Variants in ABCB4 observed in about 807,000 individuals in gnomAD.
The protein encoded by ABCB4 is ATP binding cassette subfamily B member 4.
Under a neutral mutation model 145.7 loss-of-function variants are expected in ABCB4, and 76 were observed. The ratio of observed to expected loss-of-function variants is 0.52; its 90% CI spans 0.43 to 0.63. The LOEUF is 0.63. Ranked by LOEUF, ABCB4 falls within the 30% of genes least tolerant of loss-of-function variation. The pLI, the probability that ABCB4 is intolerant of heterozygous loss-of-function variation, is 0.00. For synonymous variants in ABCB4, 517 were observed against 566.8 expected (o/e 0.91, Z 1.25); for missense variants, 1,234 against 1,553.1 (o/e 0.79, Z 3.45).
At chr7:87,463,006 T>G in intron 3 of ABCB4, 98 bp from the exon 4 acceptor site, 1 of 1,117,334 alleles carries the variant, frequency 8.9e-7, no homozygotes, top group Non-Finnish European at 1.3e-6. Flanking sequence ...GTCAGTACTT[T>G]TTTAAGAGTT....
At position 87,432,809 on chromosome 7, in the gene ABCB4, G is replaced by A. The variant is rs567624572; in HGVS notation, c.1732-1244C>T. Among the ~76,000 whole-genome samples, 9 of 152,218 alleles carry A rather than the reference G, an allele frequency of 5.9e-5. No homozygotes were observed. In the East Asian group the frequency reaches 1.7e-3, roughly 29 times the overall value. On this transcript the variant is annotated intron_variant, in intron 14 of 27. Coordinates refer to ENST00000649586, the MANE Select transcript of ABCB4 (RefSeq NM_000443.4). ...AGCAGTGATGGTTGTACAACCTTGTGAATATTCTAAAAACCCCGGAATTGT... is the reference window on the plus strand; with the variant it reads ...AGCAGTGATGGTTGTACAACCTTGTAAATATTCTAAAAACCCCGGAATTGT...
chr7:87,454,801 C>T (rs993797743), intron 4 of ABCB4, among the ~76,000 whole-genome samples: 2 of 152,180 alleles, frequency 1.3e-5, no homozygotes, highest in African/African-American at 4.8e-5. Flanking sequence ...AGGTACTGGA[C>T]ATTAAGGGCC....
At chr7:87,436,786 T>A (rs555654689) in intron 14 of ABCB4, among the ~76,000 whole-genome samples, 1 of 152,304 alleles carries the variant, frequency 6.6e-6, no homozygotes, top group South Asian at 2.1e-4. Flanking sequence ...AGGACTGCTA[T>A]GAGCTTTCTG....
At chr7:87,454,419 T>TAATAATAGGTG in intron 5 of ABCB4, 116 bp downstream of exon 5, 2 of 844,106 alleles carry the variant, frequency 2.4e-6, no homozygotes, top group South Asian at 3.5e-5. Context: ...GCAAAAATGA[T>TAATAATAGGTG]AATAATAGGT....
At chr7:87,464,477 C>T (rs1166447667) in intron 3 of ABCB4, among the ~76,000 whole-genome samples, 1 of 152,158 alleles carries the variant, frequency 6.6e-6, no homozygotes, top group African/African-American at 2.4e-5. Flanking sequence ...AAACAGAACA[C>T]TTGAGTCTGT....
In ABCB4 at chr7:87,405,538, C is replaced by T. The variant is rs529055142; in HGVS notation, c.3486+750G>A. 3.2e-4 allele frequency among the ~76,000 whole-genome samples: 49 copies of T among 151,716 alleles called. No homozygotes were observed. In the South Asian group the frequency reaches 8.8e-3, roughly 27 times the overall value. On this transcript the variant is annotated intron_variant, in intron 26 of 27. Transcript: ENST00000649586. Reference sequence around the variant, plus strand: ...GTTTCTCAGGTTCAGGCGATTCTCCCGCCTCAGCCTCCTGAGTAGCTGCAA... The same window carrying T: ...GTTTCTCAGGTTCAGGCGATTCTCCTGCCTCAGCCTCCTGAGTAGCTGCAA...
intron 21 of ABCB4, among the ~76,000 whole-genome samples, chr7:87,414,256 A>G (rs1219617533): frequency 1.3e-5 from 2 of 152,236 alleles, no homozygotes; most frequent in African/African-American, 2.4e-5. Context: ...ACATCTGACT[A>G]ATCTGGGTCA....
chr7:87,440,197 A>T lies in ABCB4; in HGVS notation c.1560+2T>A. Reference sequence around the variant, plus strand: ...GGACAACTACTTTATCAGAGGCTTTACCTGTGGTAATTTCATGATAAACTC... The same window carrying T: ...GGACAACTACTTTATCAGAGGCTTTTCCTGTGGTAATTTCATGATAAACTC... On this transcript the variant is annotated splice_donor_variant, in intron 13 of 27. Coordinates refer to ENST00000649586, the MANE Select transcript of ABCB4 (RefSeq NM_000443.4). LOFTEE classifies it high-confidence loss of function. 2 of 1,613,356 alleles carry T rather than the reference A, an allele frequency of 1.2e-6. No individual in the cohort carries two copies. Among genetic ancestry groups the T allele is most frequent in the African/African-American group, 2.7e-5 (2 of 75,050 alleles).
At chr7:87,375,459 A>G in the ABCB4 span, 1 of 559,106 alleles carries the variant, frequency 1.8e-6, no homozygotes, top group Non-Finnish European at 3.2e-6. Context: ...TGTTAATAGA[A>G]CACAATCACT....
intron 12 of ABCB4, among the ~76,000 whole-genome samples, chr7:87,440,620 T>C (rs1351415343): frequency 6.6e-6 from 1 of 152,252 alleles, no homozygotes; most frequent in Non-Finnish European, 1.5e-5. Context: ...GAAGGATTAT[T>C]TGCCATAAAC....
chr7:87,375,925 C>G, the ABCB4 span: 1 of 1,611,418 alleles, frequency 6.2e-7, no homozygotes, highest in Admixed American at 1.7e-5. Context: ...GATAGCAGTC[C>G]ACATGTAACA....
At chr7:87,421,381 G>A (rs548134512) in intron 18 of ABCB4, among the ~76,000 whole-genome samples, 37 of 152,234 alleles carry the variant, frequency 2.4e-4, no homozygotes, top group Middle Eastern at 3.4e-3. Context: ...CTGTTCCTGC[G>A]GCCCCTGAAA....
At chr7:87,467,239 G>A (rs1418887838) in intron 3 of ABCB4, among the ~76,000 whole-genome samples, 9 of 152,010 alleles carry the variant, frequency 5.9e-5, no homozygotes, top group African/African-American at 2.2e-4. Flanking sequence ...AAAAAGGCAG[G>A]GATTGCAATC....
chr7:87,406,378 A>G lies in ABCB4; in HGVS notation c.3396T>C (p.Tyr1132=), dbSNP rs762079160. Reference sequence around the variant, plus strand: ...GTGATACAACCCGGCTGTTGTCTCCATAGGCAATATTCTCGGCAATGCTGC... The same window carrying G: ...GTGATACAACCCGGCTGTTGTCTCCGTAGGCAATATTCTCGGCAATGCTGC... The part of the protein sequence containing the change: ...FDCSIAENIA[Y]GDNSRVVSQD... Residue 1132 remains tyrosine, a synonymous_variant, in exon 26 of 28, where the codon TAT becomes TAC. Transcript: ENST00000649586. 8 of 1,614,148 alleles carry G rather than the reference A, an allele frequency of 5.0e-6. No individual in the cohort carries two copies. Among genetic ancestry groups the G allele is most frequent in the South Asian group, 2.2e-5 (2 of 91,068 alleles).
chr7:87,420,008 A>T lies in ABCB4; in HGVS notation c.2384T>A (p.Met795Lys). The T allele has an allele frequency of 6.2e-7, 1 of 1,614,090 alleles. No homozygotes were observed. Reference sequence around the variant, plus strand: ...AGCGCACACTCCTACCTGTCTTAGCATTGCTTTAAAAGCCATTGACCGCAG... The same window carrying T: ...AGCGCACACTCCTACCTGTCTTAGCTTTGCTTTAAAAGCCATTGACCGCAG... ...RRLRSMAFKA[M>K]LRQDMSWFDD... The change falls in exon 19 of 28, where the codon ATG (methionine) becomes AAG (lysine). Residue 795 changes from methionine (M) to lysine (K), a missense_variant. Met to Lys is a moderately conservative substitution (Grantham distance 95). Around this residue, in one of 7 missense-constraint regions of ABCB4, gnomAD observed 321 missense variants for 332.6 expected, o/e 0.97. Coordinates refer to ENST00000649586, the MANE Select transcript of ABCB4 (RefSeq NM_000443.4).
At position 87,411,215 on chromosome 7, in the gene ABCB4, G is replaced by T. The variant is rs189288718; in HGVS notation, c.2924+678C>A. ...ACTTTCGCTTTTTTGTCTTGACCCT[G>T]TTTCAAAAATGGCTGTTCACCACTG... is the stretch of plus-strand genomic sequence containing the variant. On this transcript the variant is annotated intron_variant, in intron 23 of 27. Transcript: ENST00000649586. 3.0e-3 allele frequency among the ~76,000 whole-genome samples: 452 copies of T among 151,228 alleles called. 1 individual carries two copies. Among genetic ancestry groups the T allele is most frequent in the Non-Finnish European group, 4.8e-3 (324 of 67,864 alleles).
the ABCB4 span, chr7:87,382,059 C>T: frequency 6.3e-7 from 1 of 1,588,524 alleles, no homozygotes; most frequent in Non-Finnish European, 8.6e-7. Flanking sequence ...ATTTTTAAGT[C>T]TTCCCTATTT....
At position 87,413,702 on chromosome 7, in the gene ABCB4, T is replaced by C. The variant is rs558602178; in HGVS notation, c.2698A>G (p.Ile900Val). 1 of 1,609,298 alleles carries C rather than the reference T, an allele frequency of 6.2e-7. No homozygotes were observed. The highest frequency in any genetic ancestry group is 1.3e-5 in the African/African-American group (1 of 74,966). Residue 900 changes from isoleucine (I) to valine (V), a missense_variant, in exon 22 of 28, where the codon ATA becomes GTA. Ile to Val is a conservative substitution (Grantham distance 29, BLOSUM62 3). Coordinates refer to ENST00000649586, the MANE Select transcript of ABCB4 (RefSeq NM_000443.4). ...EAAGKIATEA[I>V]ENIRTVVSLT... ...GACACAACTGTCCTAATATTTTCTATTGCCTCTGTTGCAATCTGTAACACA... is the reference window on the plus strand; with the variant it reads ...GACACAACTGTCCTAATATTTTCTACTGCCTCTGTTGCAATCTGTAACACA...
intron 15 of ABCB4, among the ~76,000 whole-genome samples, chr7:87,430,593 C>G (rs1229958514): frequency 6.6e-6 from 1 of 151,368 alleles, no homozygotes; most frequent in Non-Finnish European, 1.5e-5. Context: ...GGTGTAGTCT[C>G]AGGTCATTGC....
Sources: gnomAD v4.1 joint callset for allele counts (sites outside exome capture counted in the v4.1 genomes callset) on GRCh38, gnomAD v4.1.1 for gene constraint, gnomAD v4.1.1 regional missense constraint, MANE v1.5 for transcripts, NCBI Gene and HGNC (gene_info 2026-07-23, HGNC 2026-07-21) for gene names.